Variants in SETD7 observed in about 807,000 individuals in gnomAD.
The protein encoded by SETD7 is histone-lysine N-methyltransferase SETD7.
SETD7 carries 16 observed loss-of-function variants against 41.8 expected under a neutral mutation model. The observed-to-expected ratio is 0.38, with a 90% CI of 0.26 to 0.58. The LOEUF (loss-of-function observed/expected upper bound fraction) is 0.58. Among genes scored for constraint, SETD7 ranks in the 20% least tolerant of loss-of-function variants. The probability of loss-of-function intolerance (pLI) is 0.64; values close to 1 mark genes in which losing one functional copy is unlikely to be tolerated. For missense variants in SETD7, 346 were observed against 459.7 expected, an observed-to-expected ratio of 0.75 and a Z score of 2.26; for synonymous variants, 163 against 169.7, an observed-to-expected ratio of 0.96 and a Z score of 0.31.
intron 3 of SETD7, chr4:139,532,918 T>A: frequency 1.8e-6 from 1 of 565,828 alleles, no homozygotes; most frequent in Non-Finnish European, 3.1e-6. Context: ...TCAATTTGTT[T>A]TAATCATGAT....
In SETD7 at chr4:139,533,225, C is replaced by G; in HGVS notation, c.312G>C (p.Leu104=). 4 of 1,614,202 alleles carry G rather than the reference C, an allele frequency of 2.5e-6. No individual in the cohort carries two copies. Among genetic ancestry groups the G allele is most frequent in the Non-Finnish European group, 3.4e-6 (4 of 1,180,034 alleles). ...TATCTTTATACTGCCCCTTGAAGAT[C>G]AGTCTCCCATCTGTGTCATATTCCT... ...PAQEYDTDGR[L]IFKGQYKDNI... Residue 104 remains leucine, a synonymous_variant, in exon 3 of 8, where the codon CTG becomes CTC. Transcript: ENST00000274031.
At chr4:139,552,443 C>G (rs565986008) in intron 1 of SETD7, among the ~76,000 whole-genome samples, 2 of 152,264 alleles carry the variant, frequency 1.3e-5, no homozygotes, top group South Asian at 4.2e-4. Context: ...TGCAAAGAGA[C>G]TTCAAGGTAC....
At chr4:139,518,973 C>T (rs1251066970) in intron 6 of SETD7, among the ~76,000 whole-genome samples, 4 of 152,190 alleles carry the variant, frequency 2.6e-5, no homozygotes, top group Non-Finnish European at 4.4e-5. Context: ...TACCATTTCC[C>T]CCACTATTAA....
chr4:139,540,068 CAAT>C (rs1430635382), intron 2 of SETD7, among the ~76,000 whole-genome samples: 2 of 152,196 alleles, frequency 1.3e-5, no homozygotes, highest in African/African-American at 2.4e-5. Flanking sequence ...GTAACAACAA[CAAT>C]GATAAAATAA....
intron 4 of SETD7, among the ~76,000 whole-genome samples, chr4:139,524,849 C>T (rs968872795): frequency 6.6e-6 from 1 of 152,096 alleles, no homozygotes; most frequent in Non-Finnish European, 1.5e-5. Context: ...GACAGTCTTG[C>T]TCTGTCACTC....
intron 5 of SETD7, among the ~76,000 whole-genome samples, chr4:139,522,161 A>C (rs975873062): frequency 1.3e-5 from 2 of 152,252 alleles, no homozygotes; most frequent in Non-Finnish European, 2.9e-5. Flanking sequence ...ATGTCAAAAA[A>C]GAGTCCATTC....
chr4:139,534,137 C>A (rs1375629124), intron 2 of SETD7, among the ~76,000 whole-genome samples: 1 of 152,078 alleles, frequency 6.6e-6, no homozygotes, highest in African/African-American at 2.4e-5. Context: ...GGGATGCTCA[C>A]GTGATTTTAC....
At chr4:139,494,685 T>C (rs1047243708), downstream of SETD7, among the ~76,000 whole-genome samples, 1 of 152,250 alleles carries the variant, frequency 6.6e-6, no homozygotes, top group African/African-American at 2.4e-5. Flanking sequence ...TTCAGTATTA[T>C]TAATATCTCA....
intron 2 of SETD7, among the ~76,000 whole-genome samples, chr4:139,543,100 T>C (rs1256849992): frequency 6.6e-6 from 1 of 152,220 alleles, no homozygotes; most frequent in African/African-American, 2.4e-5. Flanking sequence ...AATACAAAGT[T>C]TTTGTCTCCT....
intron 1 of SETD7, among the ~76,000 whole-genome samples, chr4:139,550,768 G>A (rs1018591018): frequency 6.6e-6 from 1 of 152,120 alleles, no homozygotes; most frequent in Non-Finnish European, 1.5e-5. Context: ...AAACAGAGGA[G>A]AAAAAAAGTG....
rs1184387419 is a variant in SETD7 at position 139,518,125 on chromosome 4, CTTA to C, written c.763-86_763-84del. On this transcript the variant is annotated intron_variant, in intron 6 of 7. Transcript: ENST00000274031. ...ACATCAGAGATATTAACTCATTTAT[CTTA>C]TTATTATTTTTGTTTTTGAGACAGG... 1.7e-4 allele frequency: 234 copies of C among 1,391,260 alleles called. 1 individual carries two copies. The highest frequency in any genetic ancestry group is 2.1e-4 in the Non-Finnish European group (225 of 1,049,102). The allele number at this position is 1,391,260 out of a possible 1,614,324, so 86.2% of individuals were successfully genotyped here.
At chr4:139,496,362 C>G (rs1726455074) in exon 8 of SETD7, 5 of 701,690 alleles carry the variant, frequency 7.1e-6, no homozygotes, top group Non-Finnish European at 1.3e-5. Flanking sequence ...CTTAATTACT[C>G]ACGAACATCA....
chr4:139,516,821 CCATCATCT>C (rs1328514050), intron 7 of SETD7, among the ~76,000 whole-genome samples: 1 of 152,116 alleles, frequency 6.6e-6, no homozygotes, highest in African/African-American at 2.4e-5. Flanking sequence ...GCAACCATCA[CCATCATCT>C]AATTTTAGAA....
chr4:139,493,286 G>A (rs1261396282), downstream of SETD7, among the ~76,000 whole-genome samples: 1 of 152,196 alleles, frequency 6.6e-6, no homozygotes, highest in African/African-American at 2.4e-5. Context: ...GGGTGACAGA[G>A]AGAAGCTATG....
intron 1 of SETD7, among the ~76,000 whole-genome samples, chr4:139,552,044 C>T (rs1034244963): frequency 1.4e-4 from 21 of 151,430 alleles, no homozygotes; most frequent in Admixed American, 3.9e-4. Context: ...ATTTTAGATC[C>T]GGGGGTACAT....
At chr4:139,520,785 A>AAC in intron 5 of SETD7, among the ~76,000 whole-genome samples, 2 of 152,370 alleles carry the variant, frequency 1.3e-5, no homozygotes, top group Middle Eastern at 6.8e-3. Context: ...TGTCAGTGTT[A>AAC]GATGGGAGGG....
chr4:139,554,775 T>C (rs2111183322), intron 1 of SETD7, among the ~76,000 whole-genome samples: 1 of 152,366 alleles, frequency 6.6e-6, no homozygotes, highest in South Asian at 2.1e-4. Context: ...TCAGAAATAT[T>C]AGTCTGCTTA....
At chr4:139,541,072 G>A (rs993556280) in intron 2 of SETD7, among the ~76,000 whole-genome samples, 3 of 152,172 alleles carry the variant, frequency 2.0e-5, no homozygotes, top group Admixed American at 2.0e-4. Context: ...TTGGGCACAG[G>A]AGAAAGAAGC....
At chr4:139,505,278 C>T (rs150072525), downstream of SETD7, among the ~76,000 whole-genome samples, 65 of 152,310 alleles carry the variant, frequency 4.3e-4, no homozygotes, top group African/African-American at 1.3e-3. Flanking sequence ...CCTTTTGTCA[C>T]TGGCTTTTGT....
Sources: gnomAD v4.1 joint callset for allele counts (sites outside exome capture counted in the v4.1 genomes callset) on GRCh38, gnomAD v4.1.1 for gene constraint, MANE v1.5 for transcripts, NCBI Gene and HGNC (gene_info 2026-07-23, HGNC 2026-07-21) for gene names.